Variants in CTIF observed in about 807,000 individuals in gnomAD.
CTIF encodes the protein CBP80/20-dependent translation initiation factor.
A neutral mutation model predicts 66.0 loss-of-function variants in CTIF; 21 were observed. That is an observed-to-expected ratio of 0.32 (90% CI 0.23 to 0.46). The LOEUF (loss-of-function observed/expected upper bound fraction) is 0.46. Among genes scored for constraint, CTIF ranks in the 20% least tolerant of loss-of-function variants. CTIF has a pLI of 1.00. For synonymous variants in CTIF, 345 were observed against 326.4 expected (o/e 1.06, Z -0.62); for missense variants, 739 against 812.7 (o/e 0.91, Z 1.10).
intron 1 of CTIF, among the ~76,000 whole-genome samples, chr18:48,606,878 A>T (rs997391002): frequency 6.6e-6 from 1 of 152,204 alleles, no homozygotes; most frequent in African/African-American, 2.4e-5. Flanking sequence ...ACATTATAGG[A>T]TGATCTTGAG....
chr18:48,812,808 T>C (rs1423509512), intron 9 of CTIF, among the ~76,000 whole-genome samples: 1 of 151,468 alleles, frequency 6.6e-6, no homozygotes, highest in Non-Finnish European at 1.5e-5. Flanking sequence ...TAAGTAAAAC[T>C]GGGGCAGGGC....
At position 48,773,719 on chromosome 18, in the gene CTIF, C is replaced by T. The variant is rs553290659; in HGVS notation, c.1371+12030C>T. Among the ~76,000 whole-genome samples, 4 of 152,198 alleles carry T rather than the reference C, an allele frequency of 2.6e-5. No individual in the cohort carries two copies. The South Asian group carries it at 6.2e-4, about 24-fold the overall frequency. On this transcript the variant is annotated intron_variant, in intron 9 of 11. Coordinates refer to ENST00000256413, the MANE Select transcript of CTIF (RefSeq NM_014772.3). ...TGATAGGAAGAATGGATAGAGACTC[C>T]GCACAGGGTGCCCCACCCCCGGCCC...
At chr18:48,662,401 CCAGTG>C (rs1346109426) in intron 3 of CTIF, 1 of 151,822 alleles carries the variant, frequency 6.6e-6, no homozygotes. Flanking sequence ...GAGAGAGGGA[CCAGTG>C]TTCATGTTAT....
intron 10 of CTIF, among the ~76,000 whole-genome samples, chr18:48,832,034 A>G (rs1247671658): frequency 2.0e-5 from 3 of 152,124 alleles, no homozygotes; most frequent in Non-Finnish European, 4.4e-5. Flanking sequence ...AAAGTCTCAA[A>G]AGTACTTTTC....
At chr18:48,662,961 A>C (rs891047714) in intron 3 of CTIF, among the ~76,000 whole-genome samples, 1 of 152,052 alleles carries the variant, frequency 6.6e-6, no homozygotes, top group African/African-American at 2.4e-5. Context: ...ATGCTGCTGT[A>C]TACGCTTTCT....
At position 48,664,665 on chromosome 18, in the gene CTIF, C is replaced by G. The variant is rs1047226565; in HGVS notation, c.431+114C>G. On this transcript the variant is annotated intron_variant, in intron 5 of 11. Coordinates refer to ENST00000256413, the MANE Select transcript of CTIF (RefSeq NM_014772.3). ...CAGGGGACTCAGGTGGCTGATGCCC[C>G]GGGATGCTCTTCTTATGCGTCCCAG... 8.4e-6 allele frequency: 7 copies of G among 836,170 alleles called. No individual in the cohort carries two copies. The Admixed American group carries it at 9.0e-5, about 11-fold the overall frequency. The allele number at this position is 836,170 out of a possible 1,614,324, so 51.8% of individuals were successfully genotyped here.
chr18:48,775,196 T>C (rs1024279982), intron 9 of CTIF, among the ~76,000 whole-genome samples: 1 of 152,186 alleles, frequency 6.6e-6, no homozygotes, highest in Non-Finnish European at 1.5e-5. Context: ...CTACACTTAC[T>C]CTTCTGTTAA....
At chr18:48,782,802 T>C (rs1000124148) in intron 9 of CTIF, among the ~76,000 whole-genome samples, 1 of 152,116 alleles carries the variant, frequency 6.6e-6, no homozygotes, top group African/African-American at 2.4e-5. Flanking sequence ...TCCTGTGCCT[T>C]ATAAACAGGG....
chr18:48,812,002 C>T (rs1248638493), intron 9 of CTIF, among the ~76,000 whole-genome samples: 1 of 152,128 alleles, frequency 6.6e-6, no homozygotes, highest in Non-Finnish European at 1.5e-5. Flanking sequence ...TCACTCTGTC[C>T]CCCAGGCTGG....
chr18:48,556,855 A>G (rs1357392346), intron 1 of CTIF, among the ~76,000 whole-genome samples: 2 of 151,796 alleles, frequency 1.3e-5, no homozygotes, highest in Non-Finnish European at 2.9e-5. Flanking sequence ...GTGAACCTCC[A>G]TGTCCAGCCT....
At chr18:48,818,306 T>C (rs2068412306) in intron 10 of CTIF, among the ~76,000 whole-genome samples, 1 of 152,190 alleles carries the variant, frequency 6.6e-6, no homozygotes, top group Non-Finnish European at 1.5e-5. Flanking sequence ...GTTTAGGCTC[T>C]AGTTGAATTT....
chr18:48,696,551 A>G (rs923798469), intron 6 of CTIF, among the ~76,000 whole-genome samples: 4 of 152,190 alleles, frequency 2.6e-5, no homozygotes, highest in African/African-American at 9.7e-5. Context: ...CTCGGGACCT[A>G]GGGTCCACTT....
chr18:48,855,945 G>A (rs2069317716), intron 10 of CTIF, among the ~76,000 whole-genome samples: 1 of 152,222 alleles, frequency 6.6e-6, no homozygotes, highest in African/African-American at 2.4e-5. Flanking sequence ...CAATGAGTGT[G>A]GGAAGGTTCG....
At chr18:48,721,352 G>A (rs2145570990) in intron 7 of CTIF, among the ~76,000 whole-genome samples, 1 of 152,294 alleles carries the variant, frequency 6.6e-6, no homozygotes, top group African/African-American at 2.4e-5. Flanking sequence ...GACGCCTTGG[G>A]AACCAGCCAC....
chr18:48,703,021 A>G (rs921359038), intron 6 of CTIF, among the ~76,000 whole-genome samples: 15 of 151,974 alleles, frequency 9.9e-5, no homozygotes, highest in African/African-American at 3.4e-4. Context: ...TCCTTTAATC[A>G]AGTGCTGTGG....
intron 1 of CTIF, among the ~76,000 whole-genome samples, chr18:48,555,933 C>A (rs977355431): frequency 1.3e-5 from 2 of 152,146 alleles, no homozygotes; most frequent in African/African-American, 4.8e-5. Flanking sequence ...AGAGAGAAAC[C>A]CTGAGCATGC....
intron 6 of CTIF, among the ~76,000 whole-genome samples, chr18:48,707,135 T>C (rs1157081760): frequency 1.3e-5 from 2 of 152,234 alleles, no homozygotes; most frequent in African/African-American, 4.8e-5. Context: ...GGGATACTTA[T>C]ACCTGGACTG....
intron 5 of CTIF, among the ~76,000 whole-genome samples, chr18:48,665,725 A>C (rs748941777): frequency 7.2e-5 from 11 of 152,202 alleles, no homozygotes; most frequent in Non-Finnish European, 1.5e-4. Flanking sequence ...AGAAACAGTC[A>C]TATGTGACCT....
chr18:48,693,501 G>T (rs1273177663), intron 6 of CTIF, among the ~76,000 whole-genome samples: 1 of 152,176 alleles, frequency 6.6e-6, no homozygotes, highest in Non-Finnish European at 1.5e-5. Flanking sequence ...AGCAACCAGG[G>T]CTGAGAGCCA....
Sources: allele counts gnomAD v4.1 joint callset (sites outside exome capture counted in the v4.1 genomes callset), GRCh38; gene constraint gnomAD v4.1.1; transcripts MANE v1.5; gene names NCBI Gene and HGNC (gene_info 2026-07-23, HGNC 2026-07-21).